CTNND2: variants seen among roughly 807,000 people sequenced by gnomAD.
CTNND2 encodes the protein catenin delta 2, also known as catenin delta-2.
A neutral mutation model predicts 144.4 loss-of-function variants in CTNND2; 22 were observed. That is an observed-to-expected ratio of 0.15 (90% CI 0.11 to 0.22). CTNND2 has a LOEUF of 0.22. Ranked by LOEUF, CTNND2 falls within the 10% of genes least tolerant of loss-of-function variation. The probability of loss-of-function intolerance (pLI) is 1.00; values close to 1 mark genes in which losing one functional copy is unlikely to be tolerated. For synonymous variants in CTNND2, 751 were observed against 695.6 expected (o/e 1.08, Z -1.25); for missense variants, 1,353 against 1,618.8 (o/e 0.84, Z 2.82).
chr5:11,531,258 A>G (rs974252820), intron 3 of CTNND2, among the ~76,000 whole-genome samples: 9 of 152,180 alleles, frequency 5.9e-5, no homozygotes, highest in Admixed American at 3.3e-4. Flanking sequence ...AACTAAATAA[A>G]GGACCCTACA....
intron 1 of CTNND2, among the ~76,000 whole-genome samples, chr5:11,781,453 T>C (rs1033023394): frequency 2.0e-5 from 3 of 152,204 alleles, no homozygotes; most frequent in Non-Finnish European, 4.4e-5. Flanking sequence ...TATAATCAAA[T>C]GTTGGGGATT....
intron 1 of CTNND2, among the ~76,000 whole-genome samples, chr5:11,879,356 T>TATATATATATAC (rs904010417): frequency 7.1e-6 from 1 of 141,368 alleles, no homozygotes; most frequent in African/African-American, 2.5e-5. Context: ...TATATATATA[T>TATATATATATAC]ACATATACAC....
chr5:11,099,243 T>G (rs1421293646), intron 14 of CTNND2, among the ~76,000 whole-genome samples: 1 of 152,228 alleles, frequency 6.6e-6, no homozygotes, highest in African/African-American at 2.4e-5. Context: ...AATTGGGTTC[T>G]ATTGTTGCAT....
At chr5:11,199,975 A>G (rs868209835) in intron 10 of CTNND2, among the ~76,000 whole-genome samples, 1 of 152,254 alleles carries the variant, frequency 6.6e-6, no homozygotes, top group African/African-American at 2.4e-5. Flanking sequence ...TGGATGAAGC[A>G]CATGAAGAAA....
At chr5:11,033,239 A>G (rs2149554361) in intron 16 of CTNND2, among the ~76,000 whole-genome samples, 1 of 152,308 alleles carries the variant, frequency 6.6e-6, no homozygotes, top group Non-Finnish European at 1.5e-5. Context: ...CTTGACAAGG[A>G]TTACAAAAAA....
chr5:11,074,189 C>G (rs567651327), intron 16 of CTNND2, among the ~76,000 whole-genome samples: 1 of 152,172 alleles, frequency 6.6e-6, no homozygotes, highest in African/African-American at 2.4e-5. Flanking sequence ...AGGTCTGTTT[C>G]CCAGAATGGA....
chr5:11,128,769 T>TAA (rs1322318439), intron 12 of CTNND2, among the ~76,000 whole-genome samples: 1 of 32,174 alleles, frequency 3.1e-5, no homozygotes, highest in African/African-American at 1.1e-4. Flanking sequence ...AATATATATA[T>TAA]TATATATAAA....
In CTNND2 at chr5:11,535,383, C is replaced by G. The variant is rs988094608; in HGVS notation, c.287+29561G>C. ...ACCCCAAAATATTATATATCACTCT[C>G]TCTTGTGGATGTTAGCAGTATGGGA... On this transcript the variant is annotated intron_variant, in intron 3 of 21. Transcript: ENST00000304623. Among the ~76,000 whole-genome samples the G allele has an allele frequency of 1.3e-5, 2 of 152,138 alleles. 1 individual carries two copies. Among genetic ancestry groups the G allele is most frequent in the Non-Finnish European group, 2.9e-5 (2 of 68,034 alleles).
chr5:11,390,018 C>A (rs1759497685), intron 6 of CTNND2, among the ~76,000 whole-genome samples: 1 of 152,104 alleles, frequency 6.6e-6, no homozygotes, highest in African/African-American at 2.4e-5. Flanking sequence ...TCTAAAATCG[C>A]CCCCCGCCAA....
At chr5:11,390,773 G>A (rs1029834028) in intron 6 of CTNND2, among the ~76,000 whole-genome samples, 1 of 152,220 alleles carries the variant, frequency 6.6e-6, no homozygotes, top group Non-Finnish European at 1.5e-5. Context: ...AACGGGATCA[G>A]CAGTCTGCTC....
At chr5:11,426,691 C>A (rs1762810392) in intron 3 of CTNND2, among the ~76,000 whole-genome samples, 1 of 152,100 alleles carries the variant, frequency 6.6e-6, no homozygotes, top group Non-Finnish European at 1.5e-5. Flanking sequence ...CTCCAAAAGA[C>A]CACACTTTCC....
intron 2 of CTNND2, among the ~76,000 whole-genome samples, chr5:11,687,228 A>G (rs1348649828): frequency 6.6e-6 from 1 of 152,214 alleles, no homozygotes; most frequent in African/African-American, 2.4e-5. Context: ...ATCATGTCAT[A>G]CAATCTCATC....
intron 18 of CTNND2, among the ~76,000 whole-genome samples, chr5:11,011,187 C>A (rs370022185): frequency 6.6e-6 from 1 of 152,172 alleles, no homozygotes; most frequent in African/African-American, 2.4e-5. Flanking sequence ...TTGATCCATA[C>A]GCTTAGGAAC....
chr5:11,335,630 G>A (rs1168405111), intron 9 of CTNND2, among the ~76,000 whole-genome samples: 2 of 152,124 alleles, frequency 1.3e-5, no homozygotes, highest in African/African-American at 4.8e-5. Context: ...AGGAACTGAG[G>A]CAGGAGAATA....
At chr5:11,539,588 T>C (rs1290896144) in intron 3 of CTNND2, among the ~76,000 whole-genome samples, 1 of 152,198 alleles carries the variant, frequency 6.6e-6, no homozygotes, top group African/African-American at 2.4e-5. Context: ...TTGCAAGGAT[T>C]CTCTTGTGAC....
intron 16 of CTNND2, among the ~76,000 whole-genome samples, chr5:11,080,244 G>A (rs961075168): frequency 6.6e-6 from 1 of 151,744 alleles, no homozygotes; most frequent in African/African-American, 2.4e-5. Context: ...ACTAAGCAAT[G>A]CAAATTCAAA....
chr5:11,596,868 T>A (rs1002668502), intron 2 of CTNND2, among the ~76,000 whole-genome samples: 1 of 152,272 alleles, frequency 6.6e-6, no homozygotes, highest in East Asian at 1.9e-4. Context: ...CTTATCGGCA[T>A]TTTTTTAACT....
At chr5:11,017,627 A>C (rs61751682) in intron 18 of CTNND2, among the ~76,000 whole-genome samples, 1,832 of 145,598 alleles carry the variant, frequency 0.013, 19 homozygotes, top group Non-Finnish European at 0.019. Flanking sequence ...TATATTTCCA[A>C]AATTACTTGT....
At position 11,798,901 on chromosome 5, in the gene CTNND2, AC is replaced by A. The variant is rs968718549; in HGVS notation, c.38-66630del. Among the ~76,000 whole-genome samples, 110 of 152,346 alleles carry A rather than the reference AC, an allele frequency of 7.2e-4. 1 individual carries two copies. Among genetic ancestry groups the A allele is most frequent in the African/African-American group, 2.4e-3 (99 of 41,584 alleles). On this transcript the variant is annotated intron_variant, in intron 1 of 21. Coordinates refer to ENST00000304623, the MANE Select transcript of CTNND2 (RefSeq NM_001332.4). Reference sequence around the variant, plus strand: ...CATACAAAACACAGTATAAATCATGACTTTAAAATGTTTGTGCTCTTTATCA... The same window carrying A: ...CATACAAAACACAGTATAAATCATGATTTAAAATGTTTGTGCTCTTTATCA...
Sources: gnomAD v4.1 joint callset for allele counts (sites outside exome capture counted in the v4.1 genomes callset) on GRCh38, gnomAD v4.1.1 for gene constraint, MANE v1.5 for transcripts, NCBI Gene and HGNC (gene_info 2026-07-23, HGNC 2026-07-21) for gene names.